SORL1: variants seen among roughly 807,000 people sequenced by gnomAD.
SORL1 encodes sortilin-related receptor.
Under a neutral mutation model 273.7 loss-of-function variants are expected in SORL1, and 127 were observed. The ratio of observed to expected loss-of-function variants is 0.46; its 90% CI spans 0.40 to 0.54. The LOEUF is 0.54. Ranked by LOEUF, SORL1 falls within the 20% of genes least tolerant of loss-of-function variation. The pLI is 0.00. For missense variants in SORL1, 2,494 were observed against 2,846.1 expected (o/e 0.88, Z 2.81); for synonymous variants, 1,031 against 1,067.4 (o/e 0.97, Z 0.66).
At chr11:121,497,164 A>T in intron 6 of SORL1, 115 bp downstream of exon 6, 1 of 851,002 alleles carries the variant, frequency 1.2e-6, no homozygotes, top group Non-Finnish European at 1.8e-6. Flanking sequence ...TGTGCTTGGG[A>T]CAGATTGACT....
intron 3 of SORL1, among the ~76,000 whole-genome samples, chr11:121,483,924 G>A (rs554541896): frequency 5.3e-5 from 8 of 152,210 alleles, no homozygotes; most frequent in African/African-American, 1.9e-4. Context: ...GGATGGACAT[G>A]TGACCCCAGT....
chr11:121,575,149 G>A (rs531597981), intron 24 of SORL1, among the ~76,000 whole-genome samples: 1 of 152,366 alleles, frequency 6.6e-6, no homozygotes, highest in Admixed American at 6.5e-5. Context: ...ACTGAGGTCT[G>A]TAGAGGTCAG....
chr11:121,556,116 C>G (rs917016086), intron 18 of SORL1, among the ~76,000 whole-genome samples: 3 of 152,172 alleles, frequency 2.0e-5, no homozygotes, highest in Non-Finnish European at 2.9e-5. Context: ...TTGCTTCATG[C>G]GTTAGATGGA....
intron 33 of SORL1, 82 bp from the exon 34 acceptor site, chr11:121,605,031 A>G: frequency 7.9e-7 from 1 of 1,270,414 alleles, no homozygotes; most frequent in East Asian, 2.5e-5. Context: ...TCGGCCTCCC[A>G]AAGTGCTAGG....
chr11:121,531,961 T>G (rs759943563), intron 11 of SORL1, among the ~76,000 whole-genome samples: 9 of 152,226 alleles, frequency 5.9e-5, no homozygotes, highest in Non-Finnish European at 1.2e-4. Flanking sequence ...TATTCATGAC[T>G]TGTGTGTGTA....
Position 121,506,877 on chromosome 11 carries a change from T to C in SORL1, c.940-6126T>C, listed in dbSNP as rs1163964132. Among the ~76,000 whole-genome samples, 6 of 152,338 alleles carry C rather than the reference T, an allele frequency of 3.9e-5. No individual in the cohort carries two copies. The East Asian group carries it at 9.6e-4, about 24-fold the overall frequency. ...CCTGATAAATTTTTTTTGGATCCTT[T>C]ATTACTTCATTACTGCCTTTTTTTG... On this transcript the variant is annotated intron_variant, in intron 6 of 47. Coordinates refer to ENST00000260197, the MANE Select transcript of SORL1 (RefSeq NM_003105.6).
At chr11:121,604,728 AG>A (rs1863443325) in intron 33 of SORL1, among the ~76,000 whole-genome samples, 1 of 152,178 alleles carries the variant, frequency 6.6e-6, no homozygotes, top group Non-Finnish European at 1.5e-5. Flanking sequence ...AAATTGTCAT[AG>A]GCAGGAGGAA....
chr11:121,490,289 G>C (rs190582078), intron 5 of SORL1, among the ~76,000 whole-genome samples, 179 bp downstream of exon 5: 42 of 152,258 alleles, frequency 2.8e-4, no homozygotes, highest in African/African-American at 9.6e-4. Flanking sequence ...GAGAGAGTTG[G>C]GGGGAGGAGA....
chr11:121,524,660 C>T (rs1344764698), intron 11 of SORL1, among the ~76,000 whole-genome samples: 1 of 152,126 alleles, frequency 6.6e-6, no homozygotes, highest in Non-Finnish European at 1.5e-5. Flanking sequence ...TTTTCTTTTT[C>T]CTCCTAATTA....
intron 22 of SORL1, among the ~76,000 whole-genome samples, chr11:121,569,193 C>T (rs1457339597): frequency 2.0e-5 from 3 of 152,152 alleles, no homozygotes; most frequent in African/African-American, 4.8e-5. Flanking sequence ...CTCTTAATCC[C>T]GTCATCTTCG....
At chr11:121,622,385 A>G in intron 45 of SORL1, 117 bp downstream of exon 45, 1 of 610,216 alleles carries the variant, frequency 1.6e-6, no homozygotes, top group Non-Finnish European at 2.9e-6. Context: ...AAGAAAAAGA[A>G]TAGGACATGG....
Position 121,608,103 on chromosome 11 carries a change from G to T in SORL1, c.5167-1G>T. 1 of 1,612,974 alleles carries T rather than the reference G, an allele frequency of 6.2e-7. No homozygotes were observed. The highest frequency in any genetic ancestry group is 2.2e-5 in the East Asian group (1 of 44,870). ...ATTAATTCACCCTCTGATTTGAAAA[G>T]GTGGCTGCGGTGACTAGTCGTGGAA... On this transcript the variant is annotated splice_acceptor_variant, in intron 37 of 47. Coordinates refer to ENST00000260197, the MANE Select transcript of SORL1 (RefSeq NM_003105.6). LOFTEE classifies it high-confidence loss of function.
intron 3 of SORL1, among the ~76,000 whole-genome samples, chr11:121,482,545 A>G (rs1271841200): frequency 6.6e-6 from 1 of 152,236 alleles, no homozygotes; most frequent in African/African-American, 2.4e-5. Context: ...CCAGACTCTC[A>G]GGAAGGAAAT....
At chr11:121,471,440 C>T (rs902586470) in intron 2 of SORL1, among the ~76,000 whole-genome samples, 1 of 152,216 alleles carries the variant, frequency 6.6e-6, no homozygotes, top group Non-Finnish European at 1.5e-5. Flanking sequence ...CCCAGGTCTG[C>T]GGCCTGTGCT....
At chr11:121,589,094 T>C (rs1180014530) in intron 28 of SORL1, among the ~76,000 whole-genome samples, 165 bp from the exon 29 acceptor site, 2 of 152,188 alleles carry the variant, frequency 1.3e-5, no homozygotes, top group African/African-American at 2.4e-5. Context: ...ACAAAGTGTG[T>C]GCTCTGTTTA....
chr11:121,502,623 A>T (rs1156476127), intron 6 of SORL1, among the ~76,000 whole-genome samples: 1 of 152,080 alleles, frequency 6.6e-6, no homozygotes, highest in Non-Finnish European at 1.5e-5. Context: ...TTTTCATTTG[A>T]ATTCCTGATG....
Position 121,588,090 on chromosome 11 carries a change from C to T in SORL1, c.3885C>T (p.Val1295=). The change falls in exon 28 of 48, where the codon GTC becomes GTT. Residue 1295 remains valine (V), a synonymous_variant. Transcript: ENST00000260197. ...NRQQCLFHSM[V]CDGIIQCRDG... is the part of the protein sequence containing the mutation. ...AGCAGTGCCTGTTCCACTCCATGGT[C>T]TGTGACGGAATCATCCAGTGCCGCG... 6.2e-7 allele frequency: 1 copy of T among 1,613,946 alleles called. No individual in the cohort carries two copies.
intron 29 of SORL1, 70 bp downstream of exon 29, chr11:121,589,460 C>T: frequency 3.8e-6 from 6 of 1,576,848 alleles, no homozygotes; most frequent in East Asian, 2.3e-5. Context: ...GTTACAGGGA[C>T]ACTCACCGGC....
At chr11:121,621,676 G>T (rs977386469) in intron 44 of SORL1, among the ~76,000 whole-genome samples, 1 of 152,246 alleles carries the variant, frequency 6.6e-6, no homozygotes, top group Non-Finnish European at 1.5e-5. Context: ...TCAAAGGGCA[G>T]TCAGGCTCAA....
Sources: allele counts gnomAD v4.1 joint callset (sites outside exome capture counted in the v4.1 genomes callset), GRCh38; gene constraint gnomAD v4.1.1; transcripts MANE v1.5; gene names NCBI Gene and HGNC (gene_info 2026-07-23, HGNC 2026-07-21).